The following PTPN14 variants were observed in gnomAD, a reference collection of about 807,000 sequenced individuals.
PTPN14 encodes protein tyrosine phosphatase non-receptor type 14, also known as tyrosine-protein phosphatase non-receptor type 14.
Under a neutral mutation model 126.8 loss-of-function variants are expected in PTPN14, and 53 were observed. The ratio of observed to expected loss-of-function variants is 0.42; its 90% CI spans 0.34 to 0.53. The LOEUF (loss-of-function observed/expected upper bound fraction) is 0.53. Ranked by LOEUF, PTPN14 falls within the 20% of genes least tolerant of loss-of-function variation. The pLI is 0.08. For synonymous variants in PTPN14, 630 were observed against 599.3 expected (o/e 1.05, Z -0.75); for missense variants, 1,257 against 1,552.9 (o/e 0.81, Z 3.20).
chr1:214,484,388 G>A (rs1661066569), intron 1 of PTPN14, among the ~76,000 whole-genome samples: 1 of 152,154 alleles, frequency 6.6e-6, no homozygotes, highest in African/African-American at 2.4e-5. Flanking sequence ...CTAAGCCTAG[G>A]TGACAGAGTG....
chr1:214,524,269 C>T (rs1409625653), intron 1 of PTPN14, among the ~76,000 whole-genome samples: 2 of 152,060 alleles, frequency 1.3e-5, no homozygotes, highest in Non-Finnish European at 2.9e-5. Context: ...AAATCAATTC[C>T]TCATTGCAAG....
intron 5 of PTPN14, among the ~76,000 whole-genome samples, chr1:214,405,956 C>T (rs2102571923): frequency 6.6e-6 from 1 of 152,218 alleles, no homozygotes; most frequent in South Asian, 2.1e-4. Context: ...AGCAAAGGTG[C>T]CACGAGATTG....
chr1:214,470,987 G>A (rs1432812636), intron 1 of PTPN14, among the ~76,000 whole-genome samples: 5 of 147,228 alleles, frequency 3.4e-5, no homozygotes, highest in Non-Finnish European at 6.0e-5. Flanking sequence ...ATCACACCAC[G>A]GCACTCCAGC....
In PTPN14 at chr1:214,383,765, G is replaced by C. The variant is rs751690709; in HGVS notation, c.2090C>G (p.Thr697Ser). The C allele has an allele frequency of 6.2e-7, 1 of 1,613,308 alleles. No individual in the cohort carries two copies. Among genetic ancestry groups the C allele is most frequent in the Non-Finnish European group, 8.5e-7 (1 of 1,180,022 alleles). ...PQLPQYHHKKTFSDATMLIHS... is the reference protein window; with the variant it reads ...PQLPQYHHKKSFSDATMLIHS... ...GATTAGCATAGTGGCATCAGAGAAG[G>C]TCTTCTTGTGGTGATACTGAGGGAG... The change falls in exon 13 of 19, where the codon ACC becomes AGC. Residue 697 changes from threonine (T) to serine (S), a missense_variant. By Grantham distance (58) the Thr-to-Ser change is moderately conservative. Transcript: ENST00000366956. The surrounding 1 kb of genome is among the most constrained non-coding windows in gnomAD (Gnocchi z 4.4).
intron 1 of PTPN14, among the ~76,000 whole-genome samples, chr1:214,468,704 G>T (rs1398772487): frequency 6.6e-6 from 1 of 152,070 alleles, no homozygotes; most frequent in Non-Finnish European, 1.5e-5. Flanking sequence ...GTTCTTTTAG[G>T]TTTTCTATAT....
intron 2 of PTPN14, among the ~76,000 whole-genome samples, chr1:214,453,516 G>C (rs1660316121): frequency 6.6e-6 from 1 of 152,154 alleles, no homozygotes; most frequent in Non-Finnish European, 1.5e-5. Context: ...GGCTCTGAGA[G>C]GTGTAAATGA....
chr1:214,482,966 A>T, intron 1 of PTPN14: 3 of 1,599,226 alleles, frequency 1.9e-6, no homozygotes, highest in Non-Finnish European at 2.6e-6. Context: ...TTTGTGCATC[A>T]ATTTGTGTAA....
At chr1:214,411,199 T>G (rs1435418937) in intron 5 of PTPN14, among the ~76,000 whole-genome samples, 1 of 152,128 alleles carries the variant, frequency 6.6e-6, no homozygotes, top group Non-Finnish European at 1.5e-5. Flanking sequence ...TTTAATGCTA[T>G]TGTAAATGGG....
intron 1 of PTPN14, among the ~76,000 whole-genome samples, chr1:214,465,848 T>A (rs1660621603): frequency 7.0e-6 from 1 of 142,364 alleles, no homozygotes; most frequent in Non-Finnish European, 1.5e-5. Context: ...TCTTTACTCT[T>A]ATTAACATTA....
At chr1:214,370,512 GCT>G (rs1413028573) in intron 16 of PTPN14, among the ~76,000 whole-genome samples, 1 of 152,088 alleles carries the variant, frequency 6.6e-6, no homozygotes, top group Admixed American at 6.6e-5. Flanking sequence ...TCAGCGCACA[GCT>G]CTTTCTGTTA....
intron 1 of PTPN14, among the ~76,000 whole-genome samples, chr1:214,543,725 G>A (rs1655899536): frequency 6.6e-6 from 1 of 151,832 alleles, no homozygotes; most frequent in African/African-American, 2.4e-5. Context: ...TCCGCCTCCT[G>A]GGTTCAAGTG....
At position 214,354,760 on chromosome 1, in the gene PTPN14, G is replaced by A. The variant is rs1395380753; in HGVS notation, c.*3162C>T. ...ATGTTTGATGGCTTTGTTGTGAGAT[G>A]GTAACTTTTTTTTCCTCCATTTTAC... On this transcript the variant is annotated 3_prime_UTR_variant, in exon 19 of 19. Coordinates refer to ENST00000366956, the MANE Select transcript of PTPN14 (RefSeq NM_005401.5). 6.6e-6 allele frequency: 1 copy of A among 152,162 alleles called. No individual in the cohort carries two copies. The highest frequency in any genetic ancestry group is 2.4e-5 in the African/African-American group (1 of 41,438). 9.4% of individuals were successfully genotyped at this position (152,162 alleles called of 1,614,324 possible). A position where few individuals can be genotyped will look rare whatever the true frequency, so the allele number is the denominator to read the frequency against.
chr1:214,400,343 G>A (rs1221092265), intron 7 of PTPN14, among the ~76,000 whole-genome samples: 2 of 152,224 alleles, frequency 1.3e-5, no homozygotes, highest in African/African-American at 2.4e-5. Context: ...GCACACATAT[G>A]TGGGGGGAAA....
intron 8 of PTPN14, among the ~76,000 whole-genome samples, chr1:214,396,138 G>T (rs769398342): frequency 1.5e-4 from 23 of 152,132 alleles, no homozygotes; most frequent in Non-Finnish European, 2.5e-4. Context: ...AGAATAAAAA[G>T]CAATAATATT....
intron 1 of PTPN14, among the ~76,000 whole-genome samples, chr1:214,466,335 T>C (rs1451814571): frequency 6.6e-6 from 1 of 152,150 alleles, no homozygotes; most frequent in Non-Finnish European, 1.5e-5. Flanking sequence ...CACAACTCTT[T>C]GTCCTTTTTT....
At chr1:214,370,254 T>C (rs1283311983) in intron 16 of PTPN14, among the ~76,000 whole-genome samples, 1 of 133,902 alleles carries the variant, frequency 7.5e-6, no homozygotes, top group Non-Finnish European at 1.6e-5. Context: ...CACCCCAGCC[T>C]GGGCAACAGA....
rs1329183126 is a variant in PTPN14 at position 214,356,492 on chromosome 1, G to C, written c.*1430C>G. On this transcript the variant is annotated 3_prime_UTR_variant, in exon 19 of 19. Transcript: ENST00000366956. Reference sequence around the variant, plus strand: ...TGATAAATCCCCCAAAATGCAGTAAGAGGAAAAAAGTACAAAACATGATTT... The same window carrying C: ...TGATAAATCCCCCAAAATGCAGTAACAGGAAAAAAGTACAAAACATGATTT... 2 of 152,252 alleles carry C rather than the reference G, an allele frequency of 1.3e-5. No homozygotes were observed. Among genetic ancestry groups the C allele is most frequent in the East Asian group, 1.9e-4 (1 of 5,190 alleles). 9.4% of individuals were successfully genotyped at this position (152,252 alleles called of 1,614,324 possible).
chr1:214,515,107 GC>G (rs1655068179), intron 1 of PTPN14, among the ~76,000 whole-genome samples: 1 of 152,188 alleles, frequency 6.6e-6, no homozygotes, highest in African/African-American at 2.4e-5. Flanking sequence ...GGGAATGGCA[GC>G]TTTTCCATGC....
chr1:214,490,116 T>C lies in PTPN14; in HGVS notation c.-154-25159A>G, dbSNP rs571226314. On this transcript the variant is annotated intron_variant, in intron 1 of 18. Transcript: ENST00000366956. ...CTCCAATCCCAAGGCTTTGAGCAAG[T>C]ACAAAGTCACTCCTCTTACAATGAG... 3.3e-5 allele frequency among the ~76,000 whole-genome samples: 5 copies of C among 152,330 alleles called. No individual in the cohort carries two copies. The South Asian group carries it at 8.3e-4, about 25-fold the overall frequency.
Sources: gnomAD v4.1 joint callset for allele counts (sites outside exome capture counted in the v4.1 genomes callset) on GRCh38, gnomAD v4.1.1 for gene constraint, Gnocchi (gnomAD v3.1) non-coding constraint, MANE v1.5 for transcripts, NCBI Gene and HGNC (gene_info 2026-07-23, HGNC 2026-07-21) for gene names.